Variants in EYA4 observed in about 807,000 individuals in gnomAD.
The protein encoded by EYA4 is protein phosphatase EYA4.
In EYA4, 31 loss-of-function variants were observed where a neutral mutation model predicts 87.9. The ratio of observed to expected loss-of-function variants is 0.35; its 90% CI spans 0.27 to 0.48. EYA4 has a LOEUF of 0.48. Among genes scored for constraint, EYA4 ranks in the 20% least tolerant of loss-of-function variants. EYA4 has a pLI of 0.99. For missense variants in EYA4, 678 were observed against 761.4 expected (o/e 0.89, Z 1.29); for synonymous variants, 263 against 270.6 (o/e 0.97, Z 0.28).
intron 3 of EYA4, among the ~76,000 whole-genome samples, chr6:133,434,272 A>G (rs1006545957): frequency 7.4e-4 from 113 of 152,324 alleles, no homozygotes; most frequent in African/African-American, 2.5e-3. Flanking sequence ...CTTGGACCAA[A>G]GTTTCAGGGA....
At chr6:133,407,894 A>C (rs1044282121) in intron 3 of EYA4, among the ~76,000 whole-genome samples, 3 of 152,176 alleles carry the variant, frequency 2.0e-5, no homozygotes, top group African/African-American at 7.2e-5. Flanking sequence ...AGAGAATCAA[A>C]AGCTGCTTGT....
intron 3 of EYA4, among the ~76,000 whole-genome samples, chr6:133,394,284 G>GTT (rs869103311): frequency 0.019 from 346 of 17,822 alleles, 43 homozygotes; most frequent in African/African-American, 0.023. Context: ...ATAAGCTTGT[G>GTT]TTTTTTTTTT....
rs1338922783 is a variant in EYA4 at position 133,410,618 on chromosome 6, A to G, written c.83+28177A>G. On this transcript the variant is annotated intron_variant, in intron 3 of 19. Coordinates refer to ENST00000355286, the MANE Select transcript of EYA4 (RefSeq NM_004100.5). ...AAAAAAAAAACTTCTGTATTTTTCC[A>G]TAGAACTAAGGTCTTAATTCCTTCT... Among the ~76,000 whole-genome samples the G allele has an allele frequency of 2.7e-5, 2 of 75,274 alleles. 1 individual carries two copies. Among genetic ancestry groups the G allele is most frequent in the Non-Finnish European group, 9.9e-5 (2 of 20,142 alleles). The allele number at this position is 75,274 out of a possible 152,430, so 49.4% of individuals were successfully genotyped here. A position where few individuals can be genotyped will look rare whatever the true frequency, so the allele number is the denominator to read the frequency against.
rs1041680441 is a variant in EYA4 at position 133,423,449 on chromosome 6, C to T, written c.84-23181C>T. ...ACCCATTTTACCACACTCTAGTTAA[C>T]GTTTGACCTTTATTTGATTTTGTAA... On this transcript the variant is annotated intron_variant, in intron 3 of 19. Coordinates refer to ENST00000355286, the MANE Select transcript of EYA4 (RefSeq NM_004100.5). 5.9e-5 allele frequency among the ~76,000 whole-genome samples: 9 copies of T among 152,204 alleles called. No individual in the cohort carries two copies. In the South Asian group the frequency reaches 1.2e-3, roughly 21 times the overall value.
chr6:133,459,310 G>C (rs1039927598), intron 6 of EYA4, among the ~76,000 whole-genome samples: 55 of 152,024 alleles, frequency 3.6e-4, no homozygotes, highest in Non-Finnish European at 7.4e-5. Context: ...ATGATGTTTA[G>C]ATTTATCATT....
intron 11 of EYA4, among the ~76,000 whole-genome samples, chr6:133,476,497 A>G (rs1323493659): frequency 6.6e-6 from 1 of 152,090 alleles, no homozygotes; most frequent in Non-Finnish European, 1.5e-5. Flanking sequence ...AAATGAGGTC[A>G]TGTAGTATTT....
chr6:133,349,018 C>T (rs1334299964), intron 2 of EYA4, among the ~76,000 whole-genome samples: 1 of 152,190 alleles, frequency 6.6e-6, no homozygotes, highest in African/African-American at 2.4e-5. Context: ...CTGTCTCCTC[C>T]TCAGTTAATT....
chr6:133,420,539 A>G (rs896301447), intron 3 of EYA4, among the ~76,000 whole-genome samples: 6 of 152,372 alleles, frequency 3.9e-5, no homozygotes, highest in African/African-American at 1.4e-4. Context: ...CTAGAGCCCA[A>G]GCCTTCCAGG....
chr6:133,247,258 G>A (rs1235779872), intron 1 of EYA4: 1 of 152,222 alleles, frequency 6.6e-6, no homozygotes, highest in African/African-American at 2.4e-5. Flanking sequence ...GAGAAATGCT[G>A]TATTTTGTAA....
At chr6:133,519,844 T>C (rs529806782) in intron 17 of EYA4, among the ~76,000 whole-genome samples, 30,469 of 145,760 alleles carry the variant, frequency 0.21, 4,971 homozygotes, top group African/African-American at 0.46. Flanking sequence ...GTTCAATATA[T>C]GCAAATCAAT....
chr6:133,499,998 G>T (rs1052177712), intron 13 of EYA4, among the ~76,000 whole-genome samples: 14 of 150,978 alleles, frequency 9.3e-5, no homozygotes, highest in Non-Finnish European at 2.1e-4. Context: ...AAAGTAACAT[G>T]TATATGAATC....
intron 3 of EYA4, among the ~76,000 whole-genome samples, chr6:133,439,989 A>G (rs1176079836): frequency 6.6e-6 from 1 of 152,238 alleles, no homozygotes; most frequent in Admixed American, 6.5e-5. Flanking sequence ...TTTACTGCAC[A>G]AGGGCTAACC....
chr6:133,374,022 A>G (rs1785477428), intron 2 of EYA4, among the ~76,000 whole-genome samples: 1 of 152,108 alleles, frequency 6.6e-6, no homozygotes, highest in South Asian at 2.1e-4. Flanking sequence ...ATTTTCCTAA[A>G]TAATTCATAA....
At chr6:133,396,513 G>A (rs1787813185) in intron 3 of EYA4, among the ~76,000 whole-genome samples, 4 of 152,198 alleles carry the variant, frequency 2.6e-5, no homozygotes. Flanking sequence ...GGAGCATCAT[G>A]TGTGACATCG....
chr6:133,243,568 G>A (rs1242916024), intron 1 of EYA4, among the ~76,000 whole-genome samples: 3 of 151,468 alleles, frequency 2.0e-5, no homozygotes, highest in South Asian at 2.1e-4. Flanking sequence ...TGTTTGTTGC[G>A]TTGTTTTTGT....
intron 13 of EYA4, among the ~76,000 whole-genome samples, chr6:133,495,127 G>A (rs1348071500): frequency 6.6e-6 from 1 of 151,866 alleles, no homozygotes; most frequent in East Asian, 1.9e-4. Context: ...AAATTAGCCA[G>A]GTGTGGTGGT....
At chr6:133,389,033 T>G (rs770822830) in intron 3 of EYA4, among the ~76,000 whole-genome samples, 1 of 152,160 alleles carries the variant, frequency 6.6e-6, no homozygotes, top group African/African-American at 2.4e-5. Flanking sequence ...GGGACTCTCC[T>G]TCCCTTTCAG....
At chr6:133,348,185 T>A (rs1241050124) in intron 2 of EYA4, among the ~76,000 whole-genome samples, 2 of 151,822 alleles carry the variant, frequency 1.3e-5, no homozygotes, top group Non-Finnish European at 2.9e-5. Flanking sequence ...TAAACATAAA[T>A]TTTGAAGCCT....
intron 2 of EYA4, among the ~76,000 whole-genome samples, chr6:133,338,790 C>T (rs1206239343): frequency 6.6e-6 from 1 of 151,670 alleles, no homozygotes; most frequent in Non-Finnish European, 1.5e-5. Context: ...TAAAACTAAA[C>T]AATATTACAT....
Sources: gnomAD v4.1 joint callset for allele counts (sites outside exome capture counted in the v4.1 genomes callset) on GRCh38, gnomAD v4.1.1 for gene constraint, MANE v1.5 for transcripts, NCBI Gene and HGNC (gene_info 2026-07-23, HGNC 2026-07-21) for gene names.